Variants in PRKG1 observed in about 807,000 individuals in gnomAD.
PRKG1 encodes the protein cGMP-dependent protein kinase 1.
A neutral mutation model predicts 88.1 loss-of-function variants in PRKG1; 35 were observed. The observed-to-expected ratio is 0.40, with a 90% confidence interval of 0.30 to 0.53. The LOEUF is 0.53. Ranked by LOEUF, PRKG1 falls within the 20% of genes least tolerant of loss-of-function variation. The probability of loss-of-function intolerance (pLI) is 0.59; values close to 1 mark genes in which losing one functional copy is unlikely to be tolerated. For synonymous variants in PRKG1, 303 were observed against 292.5 expected (o/e 1.04, Z -0.37); for missense variants, 540 against 839.8 (o/e 0.64, Z 4.41).
intron 2 of PRKG1, among the ~76,000 whole-genome samples, chr10:51,216,983 G>T (rs546503018): frequency 6.6e-6 from 1 of 152,138 alleles, no homozygotes; most frequent in Non-Finnish European, 1.5e-5. Context: ...CATAAATCTA[G>T]CCTGGTTTAG....
At chr10:51,652,051 G>A (rs1032073425) in intron 3 of PRKG1, among the ~76,000 whole-genome samples, 1 of 152,012 alleles carries the variant, frequency 6.6e-6, no homozygotes, top group Non-Finnish European at 1.5e-5. Context: ...CTTTAAATTT[G>A]TCTATGTATT....
At chr10:51,883,854 C>T (rs1238332653) in intron 4 of PRKG1, among the ~76,000 whole-genome samples, 1 of 151,878 alleles carries the variant, frequency 6.6e-6, no homozygotes, top group Non-Finnish European at 1.5e-5. Context: ...ATTATTATCC[C>T]ATGTGTCCTT....
intron 1 of PRKG1, among the ~76,000 whole-genome samples, chr10:51,148,530 C>T (rs935336612): frequency 6.6e-6 from 1 of 152,022 alleles, no homozygotes. Context: ...CTGTTCTTGG[C>T]ATGTTTACTA....
chr10:51,492,656 A>G (rs571816022), intron 3 of PRKG1, among the ~76,000 whole-genome samples: 92 of 152,300 alleles, frequency 6.0e-4, no homozygotes, highest in Non-Finnish European at 1.1e-3. Flanking sequence ...AGAAATATAC[A>G]TACAGTAAAG....
At chr10:51,950,097 C>T (rs753087285) in intron 5 of PRKG1, among the ~76,000 whole-genome samples, 2 of 152,184 alleles carry the variant, frequency 1.3e-5, no homozygotes, top group Non-Finnish European at 2.9e-5. Flanking sequence ...AGTTGGACTA[C>T]ATAACTCCTA....
chr10:52,081,225 G>A (rs1239619369), intron 7 of PRKG1, among the ~76,000 whole-genome samples: 2 of 152,156 alleles, frequency 1.3e-5, no homozygotes, highest in Admixed American at 6.5e-5. Context: ...AAAAAATACT[G>A]GGGATCAGGC....
At chr10:52,074,715 T>C (rs1846587924) in intron 7 of PRKG1, among the ~76,000 whole-genome samples, 1 of 152,166 alleles carries the variant, frequency 6.6e-6, no homozygotes, top group African/African-American at 2.4e-5. Flanking sequence ...TAAATCATAC[T>C]TTGGACAGGC....
At chr10:51,698,224 C>G (rs200607148) in intron 3 of PRKG1, 1 of 1,614,146 alleles carries the variant, frequency 6.2e-7, no homozygotes. Flanking sequence ...TGGTTTCCAT[C>G]GCACAGGTCT....
intron 2 of PRKG1, among the ~76,000 whole-genome samples, chr10:51,301,926 C>T (rs1840899070): frequency 1.3e-5 from 2 of 152,218 alleles, no homozygotes; most frequent in South Asian, 4.1e-4. Flanking sequence ...GCCTTCTCTT[C>T]TCATGTGTCA....
At chr10:51,154,883 A>C (rs1846168197) in intron 2 of PRKG1, among the ~76,000 whole-genome samples, 1 of 152,016 alleles carries the variant, frequency 6.6e-6, no homozygotes, top group South Asian at 2.1e-4. Context: ...AGTGAGCAGA[A>C]AGGATGGAAA....
At chr10:51,975,986 T>A (rs1203236917) in intron 5 of PRKG1, among the ~76,000 whole-genome samples, 1 of 151,850 alleles carries the variant, frequency 6.6e-6, no homozygotes, top group Non-Finnish European at 1.5e-5. Context: ...CAAGACAAAA[T>A]ACAAGTGGCC....
At chr10:52,253,854 C>T (rs181353500) in intron 10 of PRKG1, among the ~76,000 whole-genome samples, 2 of 151,976 alleles carry the variant, frequency 1.3e-5, no homozygotes, top group East Asian at 1.9e-4. Flanking sequence ...ACTTCTACAT[C>T]GGGACGGAGT....
At chr10:52,063,404 T>C (rs780269456) in intron 7 of PRKG1, among the ~76,000 whole-genome samples, 32 of 152,224 alleles carry the variant, frequency 2.1e-4, no homozygotes, top group Non-Finnish European at 3.8e-4. Flanking sequence ...AGGAACTGCA[T>C]AGCCCCAAAG....
chr10:51,781,878 G>A (rs1001747978), intron 3 of PRKG1, among the ~76,000 whole-genome samples: 3 of 151,514 alleles, frequency 2.0e-5, no homozygotes, highest in African/African-American at 7.3e-5. Context: ...GCAATATTGG[G>A]CAAAGTACTT....
intron 2 of PRKG1, among the ~76,000 whole-genome samples, chr10:51,288,571 T>C (rs1252074125): frequency 1.3e-5 from 2 of 152,200 alleles, no homozygotes; most frequent in Non-Finnish European, 1.5e-5. Context: ...TTATGATAGT[T>C]CAAGGAGATT....
At position 51,604,940 on chromosome 10, in the gene PRKG1, C is replaced by A. The variant is rs1349303654; in HGVS notation, c.592+137104C>A. Among the ~76,000 whole-genome samples the A allele has an allele frequency of 3.9e-5, 6 of 152,160 alleles. No homozygotes were observed. The East Asian group carries it at 1.2e-3, about 29-fold the overall frequency. On this transcript the variant is annotated intron_variant, in intron 3 of 17. Coordinates refer to ENST00000373980, the MANE Select transcript of PRKG1 (RefSeq NM_006258.4). ...CATTGTGACAGCCTGAGTTCTTGCC[C>A]AATGTACTGGAAGAATCAGACCACA...
chr10:51,117,948 A>G (rs1055024468), intron 1 of PRKG1, among the ~76,000 whole-genome samples: 1 of 152,192 alleles, frequency 6.6e-6, no homozygotes, highest in African/African-American at 2.4e-5. Flanking sequence ...CTTTTGTGGC[A>G]GCTGTCTGAA....
chr10:51,044,623 C>T (rs571185984), intron 1 of PRKG1, among the ~76,000 whole-genome samples: 36 of 152,092 alleles, frequency 2.4e-4, no homozygotes, highest in African/African-American at 8.2e-4. Flanking sequence ...TTATTCTCCA[C>T]ACCACATAGC....
intron 3 of PRKG1, among the ~76,000 whole-genome samples, chr10:51,794,017 G>A (rs1457443503): frequency 1.3e-5 from 2 of 152,058 alleles, no homozygotes; most frequent in Non-Finnish European, 2.9e-5. Flanking sequence ...GCCCAGCTCA[G>A]TCTCTCAAAG....
Sources: gnomAD v4.1 joint callset for allele counts (sites outside exome capture counted in the v4.1 genomes callset) on GRCh38, gnomAD v4.1.1 for gene constraint, MANE v1.5 for transcripts, NCBI Gene and HGNC (gene_info 2026-07-23, HGNC 2026-07-21) for gene names.